Variants in PDZD8 observed in about 807,000 individuals in gnomAD.
PDZD8 encodes PDZ domain-containing protein 8.
In PDZD8, 14 loss-of-function variants were observed where a neutral mutation model predicts 85.8. The observed-to-expected ratio is 0.16, with a 90% CI of 0.11 to 0.26. PDZD8 has a LOEUF of 0.26. PDZD8 is among the 10% of genes least tolerant of loss of function. The probability of loss-of-function intolerance (pLI) is 1.00; values close to 1 mark genes in which losing one functional copy is unlikely to be tolerated. For synonymous variants in PDZD8, 592 were observed against 568.6 expected, an observed-to-expected ratio of 1.04 and a Z score of -0.59; for missense variants, 1,197 against 1,424.3, an observed-to-expected ratio of 0.84 and a Z score of 2.57.
At chr10:117,343,532 G>C (rs1844653023) in intron 1 of PDZD8, among the ~76,000 whole-genome samples, 1 of 149,414 alleles carries the variant, frequency 6.7e-6, no homozygotes, top group African/African-American at 2.4e-5. Flanking sequence ...ATAACTGTTA[G>C]TTTGTAAAAA....
intron 1 of PDZD8, among the ~76,000 whole-genome samples, chr10:117,369,953 C>A (rs914218895): frequency 6.6e-6 from 1 of 152,094 alleles, no homozygotes; most frequent in Non-Finnish European, 1.5e-5. Context: ...CCGTAAGAAT[C>A]TCAAATATTT....
At chr10:117,337,349 G>A (rs1844533789) in intron 2 of PDZD8, among the ~76,000 whole-genome samples, 1 of 152,050 alleles carries the variant, frequency 6.6e-6, no homozygotes, top group Non-Finnish European at 1.5e-5. Flanking sequence ...CCTACTAGCA[G>A]TACGACAAAC....
intron 2 of PDZD8, among the ~76,000 whole-genome samples, chr10:117,331,587 A>C (rs1002406901): frequency 1.3e-5 from 2 of 152,206 alleles, no homozygotes; most frequent in African/African-American, 4.8e-5. Flanking sequence ...CTTTTAAATT[A>C]TTATTTTCTG....
chr10:117,357,773 A>T, intron 1 of PDZD8, among the ~76,000 whole-genome samples: 1 of 13,242 alleles, frequency 7.6e-5, no homozygotes, highest in Non-Finnish European at 2.0e-4. Context: ...CTCCAAAAAA[A>T]AAAAAAAAAA....
chr10:117,319,520 A>T (rs928331560), intron 2 of PDZD8, among the ~76,000 whole-genome samples: 10 of 152,042 alleles, frequency 6.6e-5, no homozygotes, highest in African/African-American at 2.4e-4. Context: ...CTGGGCAAAA[A>T]TAGTACTTAC....
chr10:117,310,680 C>T (rs1314098203), intron 3 of PDZD8, among the ~76,000 whole-genome samples: 1 of 152,130 alleles, frequency 6.6e-6, no homozygotes, highest in Non-Finnish European at 1.5e-5. Context: ...CATTGAGTCC[C>T]TACTGTATTC....
chr10:117,332,369 C>T (rs977250145), intron 2 of PDZD8, among the ~76,000 whole-genome samples: 7 of 152,070 alleles, frequency 4.6e-5, no homozygotes, highest in Admixed American at 1.3e-4. Context: ...CTCCATCCCT[C>T]GATCTTTCTG....
intron 1 of PDZD8, among the ~76,000 whole-genome samples, chr10:117,370,451 A>G (rs1384220545): frequency 6.6e-6 from 1 of 152,224 alleles, no homozygotes; most frequent in African/African-American, 2.4e-5. Flanking sequence ...CTGGCAAGAT[A>G]TTTGTTATGT....
Position 117,283,843 on chromosome 10 carries a change from C to G in PDZD8, c.2890G>C (p.Val964Leu). The change falls in exon 5 of 5, where the codon GTA (valine) becomes CTA (leucine). Residue 964 changes from valine (V) to leucine (L), a missense_variant. Physicochemically the swap from Val to Leu is conservative, Grantham distance 32. This residue lies in a region of PDZD8 where 418 missense variants were observed against 571.1 expected (regional missense o/e 0.73). Coordinates refer to ENST00000334464, the MANE Select transcript of PDZD8 (RefSeq NM_173791.5). ...TRLSEPGTDLVEPSPKHTPNT... is the reference protein window; with the variant it reads ...TRLSEPGTDLLEPSPKHTPNT... Reference sequence around the variant, plus strand: ...GGTGTGTGTTTTGGTGAAGGTTCTACGAGATCGGTTCCTGGTTCAGAAAGG... The same window carrying G: ...GGTGTGTGTTTTGGTGAAGGTTCTAGGAGATCGGTTCCTGGTTCAGAAAGG... The G allele has an allele frequency of 6.2e-7, 1 of 1,614,142 alleles. No homozygotes were observed. The highest frequency in any genetic ancestry group is 8.5e-7 in the Non-Finnish European group (1 of 1,180,024).
At chr10:117,309,786 T>A (rs568843215) in intron 3 of PDZD8, among the ~76,000 whole-genome samples, 1 of 152,258 alleles carries the variant, frequency 6.6e-6, no homozygotes, top group East Asian at 1.9e-4. Context: ...ATATATTTAA[T>A]CTCAATTAAC....
At chr10:117,342,393 T>TACACACACACACAC (rs59113065) in intron 1 of PDZD8, among the ~76,000 whole-genome samples, 2,320 of 145,604 alleles carry the variant, frequency 0.016, 35 homozygotes, top group Middle Eastern at 0.043. Context: ...CACAAACAGA[T>TACACACACACACAC]ACACACACAC....
In PDZD8 at chr10:117,374,328, C is replaced by T. The variant is rs1845248521; in HGVS notation, c.872+28G>A. 3 of 1,605,600 alleles carry T rather than the reference C, an allele frequency of 1.9e-6. No homozygotes were observed. Among genetic ancestry groups the T allele is most frequent in the Non-Finnish European group, 1.7e-6 (2 of 1,174,346 alleles). On this transcript the variant is annotated intron_variant, in intron 1 of 4. Coordinates refer to ENST00000334464, the MANE Select transcript of PDZD8 (RefSeq NM_173791.5). This position sits in a 1 kb window ranked among gnomAD's most constrained non-coding sequence, Gnocchi z 7.8. ...CGCCCAGGCCCGGGTTCCCGGCAGC[C>T]AGGCCCCCTCCCCGACCTCCAGCTC...
intron 3 of PDZD8, among the ~76,000 whole-genome samples, chr10:117,298,461 C>T (rs1167931030): frequency 6.6e-6 from 1 of 152,008 alleles, no homozygotes; most frequent in South Asian, 2.1e-4. Flanking sequence ...TGACTTCCTA[C>T]TATTACAGGC....
intron 3 of PDZD8, among the ~76,000 whole-genome samples, chr10:117,305,489 C>T (rs977361326): frequency 2.1e-5 from 3 of 145,242 alleles, no homozygotes; most frequent in African/African-American, 5.4e-5. Flanking sequence ...CACACACACA[C>T]ACACACACAC....
At chr10:117,366,274 A>T (rs914487651) in intron 1 of PDZD8, among the ~76,000 whole-genome samples, 1 of 152,136 alleles carries the variant, frequency 6.6e-6, no homozygotes, top group Non-Finnish European at 1.5e-5. Context: ...AAGTCTAAGG[A>T]CCCTAAAAAA....
rs183535251 is a variant in PDZD8, at chr10:117,352,928, T to C, written c.873-11826A>G. On this transcript the variant is annotated intron_variant, in intron 1 of 4. Coordinates refer to ENST00000334464, the MANE Select transcript of PDZD8 (RefSeq NM_173791.5). ...CTAACAGGGGCTTGCTGCTGATTGG[T>C]TGGGGCAGAGATGAACTCATAGGGG... is the stretch of plus-strand genomic sequence containing the variant. Among the ~76,000 whole-genome samples, 255 of 152,022 alleles carry C rather than the reference T, an allele frequency of 1.7e-3. 1 individual carries two copies. Among genetic ancestry groups the C allele is most frequent in the African/African-American group, 5.5e-3 (227 of 41,474 alleles).
At chr10:117,285,542 TTTAA>T in intron 4 of PDZD8, 71 bp from the exon 5 acceptor site, 1 of 1,282,464 alleles carries the variant, frequency 7.8e-7, no homozygotes, top group African/African-American at 1.5e-5. Context: ...GTTAAATGTA[TTTAA>T]TTAAATATAT....
At chr10:117,320,994 A>G (rs1271952478) in intron 2 of PDZD8, among the ~76,000 whole-genome samples, 3 of 152,166 alleles carry the variant, frequency 2.0e-5, no homozygotes, top group African/African-American at 7.2e-5. Flanking sequence ...AGAGACAATA[A>G]CAAGTATTGC....
intron 2 of PDZD8, among the ~76,000 whole-genome samples, chr10:117,335,705 A>G (rs1459954757): frequency 6.6e-6 from 1 of 152,204 alleles, no homozygotes. Flanking sequence ...AAGAGGAAAA[A>G]CAAGTCTAAA....
Sources: gnomAD v4.1 joint callset for allele counts (sites outside exome capture counted in the v4.1 genomes callset) on GRCh38, gnomAD v4.1.1 for gene constraint, gnomAD v4.1.1 regional missense constraint, Gnocchi (gnomAD v3.1) non-coding constraint, MANE v1.5 for transcripts, NCBI Gene and HGNC (gene_info 2026-07-23, HGNC 2026-07-21) for gene names.